Variants in RBPJ observed in about 807,000 individuals in gnomAD.
RBPJ encodes the protein recombination signal binding protein for immunoglobulin kappa J region.
A neutral mutation model predicts 67.8 loss-of-function variants in RBPJ; 9 were observed. The observed-to-expected ratio is 0.13, with a 90% CI of 0.08 to 0.23. The LOEUF is 0.23. Ranked by LOEUF, RBPJ falls within the 10% of genes least tolerant of loss-of-function variation. The pLI is 1.00. For missense variants in RBPJ, 305 were observed against 595.6 expected, an observed-to-expected ratio of 0.51 and a Z score of 5.08; for synonymous variants, 198 against 203.3, an observed-to-expected ratio of 0.97 and a Z score of 0.22.
At chr4:26,132,369 C>T in the RBPJ span, among the ~76,000 whole-genome samples, 1 of 152,196 alleles carries the variant, frequency 6.6e-6, no homozygotes, top group African/African-American at 2.4e-5. Context: ...TCTCTTGGAC[C>T]TTGAGCCTAA....
At chr4:26,425,033 T>C in intron 7 of RBPJ, 1 of 428,376 alleles carries the variant, frequency 2.3e-6, no homozygotes, top group South Asian at 7.4e-5. Flanking sequence ...TCTGAAGATG[T>C]TCAGTAGAGG....
intron 1 of RBPJ, among the ~76,000 whole-genome samples, chr4:26,377,903 T>C (rs927189995): frequency 3.9e-5 from 6 of 152,204 alleles, no homozygotes; most frequent in African/African-American, 1.2e-4. Flanking sequence ...TGTCAAATTA[T>C]ATAATGCATT....
intron 1 of RBPJ, among the ~76,000 whole-genome samples, chr4:26,225,731 A>G (rs1314494517): frequency 6.6e-6 from 1 of 152,026 alleles, no homozygotes; most frequent in African/African-American, 2.4e-5. Context: ...TTTCTGCTCA[A>G]TTTTTCTGGA....
chr4:26,169,310 G>A (rs1716460563), intron 1 of RBPJ, among the ~76,000 whole-genome samples: 1 of 152,228 alleles, frequency 6.6e-6, no homozygotes, highest in Non-Finnish European at 1.5e-5. Flanking sequence ...TCAGCTGCAG[G>A]TCTGTTGGAG....
At chr4:26,114,475 G>GTATATATATATATATATATATATA in the RBPJ span, among the ~76,000 whole-genome samples, 6 of 89,154 alleles carry the variant, frequency 6.7e-5, no homozygotes, top group Non-Finnish European at 9.3e-5. Context: ...AAAAAAGAAT[G>GTATATATATATATATATATATATA]TACATATATA....
chr4:26,245,559 T>G (rs920260714), intron 1 of RBPJ, among the ~76,000 whole-genome samples: 1 of 152,186 alleles, frequency 6.6e-6, no homozygotes, highest in African/African-American at 2.4e-5. Flanking sequence ...CAGTCTCCTT[T>G]GAAGTACAAA....
intron 1 of RBPJ, among the ~76,000 whole-genome samples, chr4:26,299,215 T>C (rs1241002659): frequency 6.6e-6 from 1 of 152,228 alleles, no homozygotes; most frequent in African/African-American, 2.4e-5. Context: ...TATGATGATA[T>C]CCTATGCGTT....
At chr4:26,164,286 A>G (rs890154381) in intron 1 of RBPJ, among the ~76,000 whole-genome samples, 1 of 152,210 alleles carries the variant, frequency 6.6e-6, no homozygotes, top group Non-Finnish European at 1.5e-5. Flanking sequence ...CTATTTATTC[A>G]CTTATACATT....
intron 1 of RBPJ, among the ~76,000 whole-genome samples, chr4:26,209,087 AGAAG>A: frequency 1.5e-5 from 1 of 65,714 alleles, no homozygotes. Flanking sequence ...CCAGCATTAC[AGAAG>A]AAAAAAAATA....
At chr4:26,178,629 A>AAG in intron 1 of RBPJ, among the ~76,000 whole-genome samples, 2 of 149,596 alleles carry the variant, frequency 1.3e-5, no homozygotes, top group Non-Finnish European at 3.0e-5. Flanking sequence ...AAAAAAAAAA[A>AAG]GAAGTCCCAG....
the RBPJ span, among the ~76,000 whole-genome samples, chr4:26,144,267 CTT>C: frequency 3.8e-5 from 4 of 106,060 alleles, no homozygotes; most frequent in Admixed American, 1.3e-4. Context: ...TAAGAAAATT[CTT>C]TTTTTTTTTT....
intron 1 of RBPJ, among the ~76,000 whole-genome samples, chr4:26,246,514 T>A (rs1253931395): frequency 6.6e-6 from 1 of 152,196 alleles, no homozygotes; most frequent in Non-Finnish European, 1.5e-5. Flanking sequence ...AATTTTACTT[T>A]TCTGGGAATT....
chr4:26,142,174 G>C, the RBPJ span, among the ~76,000 whole-genome samples: 1 of 152,256 alleles, frequency 6.6e-6, no homozygotes, highest in South Asian at 2.1e-4. Context: ...CTTTTGAGAA[G>C]TACAGATGTG....
rs969718083 is a variant in RBPJ at position 26,365,888 on chromosome 4, G to C, written c.21-20465G>C. ...TGGCTTTTGAGTAACATTAACCAAG[G>C]CTGTTTTATTAAGTAGAGTGATGTA... On this transcript the variant is annotated intron_variant, in intron 1 of 10. Coordinates refer to ENST00000355476, the MANE Select transcript of RBPJ (RefSeq NM_015874.6). 5.3e-5 allele frequency among the ~76,000 whole-genome samples: 8 copies of C among 152,178 alleles called. No homozygotes were observed. In the East Asian group the frequency reaches 1.3e-3, roughly 26 times the overall value.
chr4:26,206,541 G>A (rs999006840), intron 1 of RBPJ, among the ~76,000 whole-genome samples: 2 of 152,170 alleles, frequency 1.3e-5, no homozygotes, highest in Admixed American at 6.6e-5. Flanking sequence ...GAGACACATG[G>A]TGAGGAACTG....
At position 26,244,128 on chromosome 4, in the gene RBPJ, A is replaced by AATGTGTATATATATGTGTACACATAT. The variant is rs1719742449; in HGVS notation, c.-167+80518_-167+80519insGTATATATATGTGTACACATATATGT. On this transcript the variant is annotated intron_variant, in intron 1 of 4. Transcript: ENST00000512351. ...AAAAAAGAAGAAAAAGAAACTTTAAAATGTATATATATATGTGTACACATA... is the reference window on the plus strand; with the variant it reads ...AAAAAAGAAGAAAAAGAAACTTTAAAATGTGTATATATATGTGTACACATATATGTATATATATATGTGTACACATA... Among the ~76,000 whole-genome samples, 2 of 143,776 alleles carry AATGTGTATATATATGTGTACACATAT rather than the reference A, an allele frequency of 1.4e-5. 1 individual carries two copies. Among genetic ancestry groups the AATGTGTATATATATGTGTACACATAT allele is most frequent in the East Asian group, 4.0e-4 (2 of 4,970 alleles). 94.3% of individuals were successfully genotyped at this position (143,776 alleles called of 152,430 possible). A position where few individuals can be genotyped will look rare whatever the true frequency, so the allele number is the denominator to read the frequency against.
chr4:26,111,925 G>A, the RBPJ span: 1 of 214,804 alleles, frequency 4.7e-6, no homozygotes, highest in Non-Finnish European at 1.0e-5. Context: ...TACCCAGCAA[G>A]AGTGGTATCT....
At position 26,434,776 on chromosome 4, in the gene RBPJ, T is replaced by G. The variant is rs1487779912; in HGVS notation, c.*3769T>G. On this transcript the variant is annotated 3_prime_UTR_variant, in exon 11 of 11. Transcript: ENST00000355476. ...ACAAACTGTGCGCCTGTAAGGTTTATTAGCAATAAGATAGAAAATTGAGCA... is the reference window on the plus strand; with the variant it reads ...ACAAACTGTGCGCCTGTAAGGTTTAGTAGCAATAAGATAGAAAATTGAGCA... The G allele has an allele frequency of 6.6e-6, 1 of 152,246 alleles. No homozygotes were observed. Among genetic ancestry groups the G allele is most frequent in the Non-Finnish European group, 1.5e-5 (1 of 68,046 alleles). 9.4% of individuals were successfully genotyped at this position (152,246 alleles called of 1,614,324 possible).
intron 1 of RBPJ, among the ~76,000 whole-genome samples, chr4:26,234,128 G>C (rs1402575391): frequency 6.6e-6 from 1 of 152,216 alleles, no homozygotes; most frequent in African/African-American, 2.4e-5. Flanking sequence ...GGAAGGCAAA[G>C]AATGTTAACC....
Sources: allele counts gnomAD v4.1 joint callset (sites outside exome capture counted in the v4.1 genomes callset), GRCh38; gene constraint gnomAD v4.1.1; transcripts MANE v1.5; gene names NCBI Gene and HGNC (gene_info 2026-07-23, HGNC 2026-07-21).